The following TMEM131L variants were observed in gnomAD, a reference collection of about 807,000 sequenced individuals.
The protein encoded by TMEM131L is transmembrane protein 131-like.
TMEM131L carries 54 observed loss-of-function variants against 192.2 expected under a neutral mutation model. The ratio of observed to expected loss-of-function variants is 0.28; its 90% CI spans 0.23 to 0.35. The LOEUF (loss-of-function observed/expected upper bound fraction) is 0.35, where lower values mean the gene tolerates loss of function less well. Ranked by LOEUF, TMEM131L falls within the 10% of genes least tolerant of loss-of-function variation. The probability of loss-of-function intolerance (pLI) is 1.00; values close to 1 mark genes in which losing one functional copy is unlikely to be tolerated. For synonymous variants in TMEM131L, 701 were observed against 704.9 expected, an observed-to-expected ratio of 0.99 and a Z score of 0.09; for missense variants, 1,888 against 1,972.9, an observed-to-expected ratio of 0.96 and a Z score of 0.82.
intron 29 of TMEM131L, among the ~76,000 whole-genome samples, chr4:153,623,595 TCA>T (rs375807728): frequency 1.4e-4 from 22 of 152,252 alleles, no homozygotes; most frequent in African/African-American, 5.3e-4. Context: ...GTAAGTGGAA[TCA>T]CACAGTATGG....
intron 7 of TMEM131L, among the ~76,000 whole-genome samples, chr4:153,562,980 G>GT (rs2150529902): frequency 6.6e-6 from 1 of 152,292 alleles, no homozygotes; most frequent in South Asian, 2.1e-4. Context: ...ATGTGAGTGG[G>GT]TAAAAAGTAC....
intron 3 of TMEM131L, among the ~76,000 whole-genome samples, chr4:153,490,703 C>T (rs1281245994): frequency 6.6e-6 from 1 of 151,996 alleles, no homozygotes; most frequent in Non-Finnish European, 1.5e-5. Context: ...TGCCTGTAAT[C>T]CCAGCACTTT....
At chr4:153,556,135 G>T (rs1357016991) in intron 5 of TMEM131L, among the ~76,000 whole-genome samples, 1 of 124,368 alleles carries the variant, frequency 8.0e-6, no homozygotes, top group African/African-American at 3.0e-5. Flanking sequence ...GTGGGGGGTT[G>T]GGGGAGAGTT....
chr4:153,586,419 A>ATGTGT, intron 14 of TMEM131L, 40 bp downstream of exon 14: 1 of 1,446,930 alleles, frequency 6.9e-7, no homozygotes, highest in Non-Finnish European at 9.3e-7. Flanking sequence ...CAGTTTTCTT[A>ATGTGT]ATTACTGTTG....
chr4:153,481,712 T>A lies in TMEM131L; in HGVS notation c.239+7824T>A, dbSNP rs142196803. ...CACCACGGCTGGCTGATTTTTGTAT[T>A]TTTTTTGTAGAGTTGGGGTTTCACG... On this transcript the variant is annotated intron_variant, in intron 3 of 34. Coordinates refer to ENST00000409959, the MANE Select transcript of TMEM131L (RefSeq NM_001131007.2). Among the ~76,000 whole-genome samples the A allele has an allele frequency of 6.2e-4, 94 of 152,096 alleles. 1 individual carries two copies. Among genetic ancestry groups the A allele is most frequent in the African/African-American group, 2.1e-3 (88 of 41,478 alleles).
chr4:153,501,425 C>T (rs761119029), intron 3 of TMEM131L, among the ~76,000 whole-genome samples: 7 of 152,052 alleles, frequency 4.6e-5, no homozygotes, highest in Non-Finnish European at 8.8e-5. Flanking sequence ...TGGTCTCGAT[C>T]GCTTGACCTC....
chr4:153,631,749 T>G (rs1308421181), intron 31 of TMEM131L, among the ~76,000 whole-genome samples: 4 of 152,144 alleles, frequency 2.6e-5, no homozygotes, highest in African/African-American at 9.7e-5. Flanking sequence ...ATGCCTAAAT[T>G]CTTCAAGGGG....
At position 153,604,022 on chromosome 4, in the gene TMEM131L, G is replaced by A. The variant is rs780514344; in HGVS notation, c.3010G>A (p.Glu1004Lys). 2 of 1,614,152 alleles carry A rather than the reference G, an allele frequency of 1.2e-6. No individual in the cohort carries two copies. The change falls in exon 25 of 35, where the codon GAA becomes AAA. Residue 1004 changes from glutamate to lysine, a missense_variant. Physicochemically the swap from Glu to Lys is moderately conservative, Grantham distance 56 (BLOSUM62 1). Transcript: ENST00000409959. ...CAGCAGCACCAGCACGACTACTGAG[G>A]AAAAACAGACTTCACCCCTGGGCAG... ...AASSTSTTTE[E>K]KQTSPLGSSL...
intron 2 of TMEM131L, among the ~76,000 whole-genome samples, chr4:153,471,168 A>G (rs540857709): frequency 6.6e-6 from 1 of 152,040 alleles, no homozygotes; most frequent in Non-Finnish European, 1.5e-5. Flanking sequence ...TTGTGTTTTT[A>G]GTAGAGACTG....
chr4:153,506,735 C>G (rs1368847208), intron 3 of TMEM131L, among the ~76,000 whole-genome samples: 2 of 150,798 alleles, frequency 1.3e-5, no homozygotes, highest in Non-Finnish European at 2.9e-5. Flanking sequence ...CCCAGCTACT[C>G]AGGAGGCTGA....
Position 153,467,226 on chromosome 4 carries a change from C to A in TMEM131L, c.140C>A (p.Pro47Gln). 6.4e-7 allele frequency: 1 copy of A among 1,551,684 alleles called. No homozygotes were observed. Among genetic ancestry groups the A allele is most frequent in the South Asian group, 1.2e-5 (1 of 84,062 alleles). The part of the protein sequence containing the change: ...GAQGQAIEPL[P>Q]NVVELWQAEE... Reference sequence around the variant, plus strand: ...GTTCCTGCAGCGATTGAGCCGTTGCCGAACGTGGTGGAGCTGTGGCAGGCA... The same window carrying A: ...GTTCCTGCAGCGATTGAGCCGTTGCAGAACGTGGTGGAGCTGTGGCAGGCA... Residue 47 changes from proline (P) to glutamine (Q), a missense_variant, in exon 2 of 35, where the codon CCG (proline) becomes CAG (glutamine). Pro to Gln is a moderately conservative substitution (Grantham distance 76, BLOSUM62 -1). Transcript: ENST00000409959.
At chr4:153,549,317 C>T (rs898031402) in intron 3 of TMEM131L, among the ~76,000 whole-genome samples, 15 of 152,062 alleles carry the variant, frequency 9.9e-5, no homozygotes, top group South Asian at 4.2e-4. Flanking sequence ...AACAGTTGTT[C>T]GTATTACCTT....
intron 3 of TMEM131L, among the ~76,000 whole-genome samples, chr4:153,507,142 T>C (rs1470087683): frequency 6.6e-6 from 1 of 152,184 alleles, no homozygotes; most frequent in Non-Finnish European, 1.5e-5. Context: ...TGCAGAGCCT[T>C]GAACAACACC....
chr4:153,527,424 C>T (rs1278052461), intron 3 of TMEM131L, among the ~76,000 whole-genome samples: 1 of 152,062 alleles, frequency 6.6e-6, no homozygotes, highest in Non-Finnish European at 1.5e-5. Context: ...AGGTGTGCAC[C>T]ACCATGCCCG....
intron 25 of TMEM131L, among the ~76,000 whole-genome samples, chr4:153,607,662 C>CT (rs1473166530): frequency 1.3e-5 from 2 of 152,182 alleles, no homozygotes; most frequent in Admixed American, 1.3e-4. Context: ...AGTGATTTTC[C>CT]TAACTATCAG....
At chr4:153,508,403 C>T (rs58852247) in intron 3 of TMEM131L, among the ~76,000 whole-genome samples, 19,821 of 152,072 alleles carry the variant, frequency 0.13, 2,381 homozygotes, top group African/African-American at 0.29. Context: ...GTAAAATGAA[C>T]GGAAACCATG....
chr4:153,522,017 G>T (rs1735154651), intron 3 of TMEM131L, among the ~76,000 whole-genome samples: 1 of 152,112 alleles, frequency 6.6e-6, no homozygotes, highest in African/African-American at 2.4e-5. Flanking sequence ...CTTCTACTGA[G>T]CCTGCAACTT....
intron 3 of TMEM131L, among the ~76,000 whole-genome samples, chr4:153,490,953 C>CAAAAAAA (rs3040164): frequency 2.4e-5 from 2 of 82,108 alleles, no homozygotes; most frequent in Non-Finnish European, 4.8e-5. Context: ...GACTCTGTCT[C>CAAAAAAA]AAAAAAAAAA....
chr4:153,561,988 C>G (rs192515141), intron 7 of TMEM131L, among the ~76,000 whole-genome samples: 3 of 150,070 alleles, frequency 2.0e-5, no homozygotes, highest in African/African-American at 7.3e-5. Context: ...TCTTAAAAGT[C>G]AGTTATTTTA....
Sources: gnomAD v4.1 joint callset for allele counts (sites outside exome capture counted in the v4.1 genomes callset) on GRCh38, gnomAD v4.1.1 for gene constraint, MANE v1.5 for transcripts, NCBI Gene and HGNC (gene_info 2026-07-23, HGNC 2026-07-21) for gene names.